LAMA2: variants seen among roughly 807,000 people sequenced by gnomAD.
The protein encoded by LAMA2 is laminin subunit alpha-2.
In LAMA2, 269 loss-of-function variants were observed where a neutral mutation model predicts 364.8. That is an observed-to-expected ratio of 0.74 (90% CI 0.67 to 0.82). The LOEUF is 0.82. Ranked by LOEUF, LAMA2 falls within the 40% of genes least tolerant of loss-of-function variation. The pLI, the probability that LAMA2 is intolerant of heterozygous loss-of-function variation, is 0.00. For synonymous variants in LAMA2, 1,379 were observed against 1,370.6 expected (o/e 1.01, Z -0.14); for missense variants, 3,807 against 3,873.2 (o/e 0.98, Z 0.45).
intron 41 of LAMA2, among the ~76,000 whole-genome samples, chr6:129,433,470 T>G (rs997031666): frequency 6.6e-6 from 1 of 152,178 alleles, no homozygotes; most frequent in Non-Finnish European, 1.5e-5. Flanking sequence ...ACACAGTCAC[T>G]TATGCCTGTA....
chr6:129,282,452 A>C (rs973435922), intron 18 of LAMA2, among the ~76,000 whole-genome samples: 1 of 152,088 alleles, frequency 6.6e-6, no homozygotes, highest in African/African-American at 2.4e-5. Context: ...GCCCATTTCA[A>C]GTTGTTTTCT....
chr6:128,986,460 T>G (rs1367753333), intron 1 of LAMA2, among the ~76,000 whole-genome samples: 2 of 152,172 alleles, frequency 1.3e-5, no homozygotes, highest in East Asian at 1.9e-4. Flanking sequence ...GAAAATACAT[T>G]ATAGTTTATT....
intron 56 of LAMA2, among the ~76,000 whole-genome samples, chr6:129,489,085 G>A (rs1336843041): frequency 1.3e-5 from 2 of 152,134 alleles, no homozygotes; most frequent in Non-Finnish European, 2.9e-5. Flanking sequence ...TTACATTTTT[G>A]TGTGACCATA....
intron 3 of LAMA2, among the ~76,000 whole-genome samples, chr6:129,090,302 A>G (rs1356996942): frequency 1.3e-5 from 2 of 152,182 alleles, no homozygotes; most frequent in South Asian, 2.1e-4. Flanking sequence ...AGCAAATTCC[A>G]TATGTATTAC....
chr6:129,039,398 G>A (rs1022745615), intron 1 of LAMA2, among the ~76,000 whole-genome samples: 2 of 152,208 alleles, frequency 1.3e-5, no homozygotes, highest in African/African-American at 2.4e-5. Context: ...AAGAAGGCAT[G>A]AAGGAGGATA....
At chr6:129,124,038 T>C (rs1347307550) in intron 4 of LAMA2, among the ~76,000 whole-genome samples, 1 of 152,218 alleles carries the variant, frequency 6.6e-6, no homozygotes, top group Non-Finnish European at 1.5e-5. Flanking sequence ...ACGTAAGGCT[T>C]TTTGTATGTC....
At chr6:129,371,436 T>C (rs1359483396) in intron 34 of LAMA2, among the ~76,000 whole-genome samples, 2 of 152,162 alleles carry the variant, frequency 1.3e-5, no homozygotes, top group Non-Finnish European at 2.9e-5. Context: ...AAATTTCATG[T>C]AATAAATGGC....
At chr6:129,227,276 A>G (rs926573265) in intron 12 of LAMA2, among the ~76,000 whole-genome samples, 1 of 151,992 alleles carries the variant, frequency 6.6e-6, no homozygotes, top group African/African-American at 2.4e-5. Flanking sequence ...ATGGGTTCGA[A>G]CTTCCTCCTT....
intron 51 of LAMA2, among the ~76,000 whole-genome samples, chr6:129,465,572 T>G (rs1380412887): frequency 1.3e-5 from 2 of 151,966 alleles, no homozygotes; most frequent in Non-Finnish European, 2.9e-5. Flanking sequence ...GTAATATGTT[T>G]GAAAAATGTT....
intron 17 of LAMA2, among the ~76,000 whole-genome samples, chr6:129,278,944 TG>T (rs1188166136): frequency 6.6e-6 from 1 of 152,164 alleles, no homozygotes; most frequent in Admixed American, 6.6e-5. Flanking sequence ...TGATCTGATC[TG>T]CACCAAAGTT....
At chr6:129,458,824 A>G (rs117998993) in intron 48 of LAMA2, among the ~76,000 whole-genome samples, 3 of 151,978 alleles carry the variant, frequency 2.0e-5, no homozygotes, top group African/African-American at 7.2e-5. Flanking sequence ...TGTACAGTCT[A>G]TGCTTTTAAC....
At chr6:129,289,845 TGC>T (rs1789569697) in intron 19 of LAMA2, among the ~76,000 whole-genome samples, 4 of 152,196 alleles carry the variant, frequency 2.6e-5, no homozygotes, top group African/African-American at 9.6e-5. Context: ...TAATTTTTAA[TGC>T]TCTTTGCCAT....
At chr6:128,998,548 G>A (rs2114676426) in intron 1 of LAMA2, among the ~76,000 whole-genome samples, 1 of 100,356 alleles carries the variant, frequency 1.0e-5, no homozygotes, top group East Asian at 2.1e-4. Context: ...TGCGCACCGT[G>A]CGCGAGCCGA....
chr6:129,165,575 G>A lies in LAMA2; in HGVS notation c.1207-1G>A, dbSNP rs746785436. The A allele has an allele frequency of 4.4e-6, 7 of 1,597,482 alleles. No homozygotes were observed. The highest frequency in any genetic ancestry group is 6.0e-6 in the Non-Finnish European group (7 of 1,166,044). On this transcript the variant is annotated splice_acceptor_variant, in intron 8 of 64. Transcript: ENST00000421865. LOFTEE classifies it high-confidence loss of function. ...TAAATTCATTTTAATATTTTTGTTA[G>A]GTATCTCCAAATTATCCAAGGCCAT...
chr6:129,424,569 G>T (rs1781235086), intron 40 of LAMA2, among the ~76,000 whole-genome samples: 1 of 151,846 alleles, frequency 6.6e-6, no homozygotes, highest in Non-Finnish European at 1.5e-5. Flanking sequence ...TTGAACAAAA[G>T]ATTTAAACAG....
At chr6:129,346,722 A>G (rs1381343699) in intron 30 of LAMA2, among the ~76,000 whole-genome samples, 5 of 152,194 alleles carry the variant, frequency 3.3e-5, no homozygotes, top group African/African-American at 1.2e-4. Context: ...TGTGTTTCCT[A>G]GCCTTCTGGA....
chr6:129,054,395 G>A (rs12210742), intron 2 of LAMA2, among the ~76,000 whole-genome samples: 41,132 of 151,972 alleles, frequency 0.27, 5,823 homozygotes, highest in African/African-American at 0.34. Flanking sequence ...AGGTTCATTA[G>A]GCAAGATGAC....
chr6:129,045,863 T>A (rs1200273816), intron 1 of LAMA2, among the ~76,000 whole-genome samples: 1 of 151,978 alleles, frequency 6.6e-6, no homozygotes, highest in Non-Finnish European at 1.5e-5. Context: ...GCACAGGGAG[T>A]CTTACCCATA....
intron 1 of LAMA2, among the ~76,000 whole-genome samples, chr6:128,983,461 C>T (rs1783022341): frequency 6.6e-6 from 1 of 152,102 alleles, no homozygotes; most frequent in Admixed American, 6.5e-5. Context: ...TTCACATGTT[C>T]CCAACTCTGA....
Sources: allele counts gnomAD v4.1 joint callset (sites outside exome capture counted in the v4.1 genomes callset), GRCh38; gene constraint gnomAD v4.1.1; transcripts MANE v1.5; gene names NCBI Gene and HGNC (gene_info 2026-07-23, HGNC 2026-07-21).